SLC2A9: variants seen among roughly 807,000 people sequenced by gnomAD.
The protein encoded by SLC2A9 is solute carrier family 2 member 9.
A neutral mutation model predicts 50.6 loss-of-function variants in SLC2A9; 39 were observed. The observed-to-expected ratio is 0.77, with a 90% CI of 0.60 to 1.01. The LOEUF (loss-of-function observed/expected upper bound fraction) is 1.01, where lower values mean the gene tolerates loss of function less well. Among genes scored for constraint, SLC2A9 ranks in the 50% least tolerant of loss-of-function variants. The probability of loss-of-function intolerance (pLI) is 0.00; values close to 1 mark genes in which losing one functional copy is unlikely to be tolerated. For missense variants in SLC2A9, 686 were observed against 677.6 expected, an observed-to-expected ratio of 1.01 and a Z score of -0.14; for synonymous variants, 324 against 276.9, an observed-to-expected ratio of 1.17 and a Z score of -1.69.
chr4:9,799,455 T>A (rs1052579393), intron 3 of SLC2A9, among the ~76,000 whole-genome samples: 4 of 152,106 alleles, frequency 2.6e-5, no homozygotes, highest in Non-Finnish European at 4.4e-5. Flanking sequence ...CATCTTCATC[T>A]CTTTTATAAG....
intron 1 of SLC2A9, among the ~76,000 whole-genome samples, chr4:10,036,681 A>G (rs1442466449): frequency 6.6e-6 from 1 of 152,186 alleles, no homozygotes. Flanking sequence ...CCTTTTTCCA[A>G]TACTACACAC....
intron 6 of SLC2A9, among the ~76,000 whole-genome samples, chr4:9,925,087 C>G (rs971636962): frequency 6.6e-6 from 1 of 152,220 alleles, no homozygotes; most frequent in Non-Finnish European, 1.5e-5. Context: ...GAGGCTCCCC[C>G]CATCTCTCTT....
At chr4:9,920,220 G>A (rs1743658669) in intron 7 of SLC2A9, among the ~76,000 whole-genome samples, 165 bp downstream of exon 7, 1 of 152,220 alleles carries the variant, frequency 6.6e-6, no homozygotes, top group African/African-American at 2.4e-5. Flanking sequence ...TTACAGATGA[G>A]GAAACTGAGG....
intron 8 of SLC2A9, among the ~76,000 whole-genome samples, chr4:9,896,591 G>GT (rs1307161363): frequency 1.3e-5 from 2 of 152,184 alleles, no homozygotes; most frequent in Non-Finnish European, 2.9e-5. Context: ...AATAGTCACA[G>GT]TTTTTAATTT....
intron 5 of SLC2A9, among the ~76,000 whole-genome samples, chr4:9,956,975 G>A (rs1015496273): frequency 6.6e-6 from 1 of 152,086 alleles, no homozygotes; most frequent in Non-Finnish European, 1.5e-5. Flanking sequence ...CTCTGTGGGG[G>A]CACTGAAGGG....
chr4:9,879,859 G>A, intron 10 of SLC2A9: 6 of 985,422 alleles, frequency 6.1e-6, no homozygotes, highest in Non-Finnish European at 7.2e-6. Context: ...CCCTGCCACT[G>A]CCTTGGGGTT....
chr4:9,815,985 T>A (rs1422917142), intron 3 of SLC2A9, among the ~76,000 whole-genome samples: 1 of 151,716 alleles, frequency 6.6e-6, no homozygotes, highest in Non-Finnish European at 1.5e-5. Context: ...GCCTGGCCAA[T>A]ATGGTGAAAC....
At chr4:9,985,545 G>T (rs1423743783) in intron 4 of SLC2A9, 124 bp downstream of exon 4, 10 of 1,309,244 alleles carry the variant, frequency 7.6e-6, no homozygotes, top group African/African-American at 2.9e-5. Flanking sequence ...CAGCATCCTT[G>T]GTCCCTGCCA....
chr4:9,841,551 C>G (rs1039727397), intron 10 of SLC2A9, among the ~76,000 whole-genome samples: 2 of 152,080 alleles, frequency 1.3e-5, no homozygotes, highest in Admixed American at 1.3e-4. Flanking sequence ...TCTAGTTTAT[C>G]TTGGCTTTCA....
At chr4:9,774,839 C>T (rs1396096641), downstream of SLC2A9, among the ~76,000 whole-genome samples, 1 of 151,594 alleles carries the variant, frequency 6.6e-6, no homozygotes, top group African/African-American at 2.4e-5. Flanking sequence ...CTTTAATTTG[C>T]TCTATTCTCT....
chr4:9,954,150 C>A (rs1560377524), intron 5 of SLC2A9, among the ~76,000 whole-genome samples: 1 of 152,126 alleles, frequency 6.6e-6, no homozygotes, highest in Admixed American at 6.5e-5. Flanking sequence ...GTTGCCCAGG[C>A]CGGTCTCAAA....
chr4:9,881,501 G>C (rs922384926), intron 10 of SLC2A9, among the ~76,000 whole-genome samples: 1 of 152,236 alleles, frequency 6.6e-6, no homozygotes, highest in Non-Finnish European at 1.5e-5. Flanking sequence ...TTTCAGAGCT[G>C]AGGAACTATA....
intron 11 of SLC2A9, among the ~76,000 whole-genome samples, chr4:9,828,421 T>G (rs1241237746): frequency 6.6e-6 from 1 of 152,124 alleles, no homozygotes; most frequent in Non-Finnish European, 1.5e-5. Flanking sequence ...AGGACAAAAC[T>G]TGTCACTCCT....
chr4:9,789,725 C>A (rs1359620411), intron 3 of SLC2A9, among the ~76,000 whole-genome samples: 1 of 152,236 alleles, frequency 6.6e-6, no homozygotes, highest in Non-Finnish European at 1.5e-5. Flanking sequence ...CAGACTTTTG[C>A]TTTGACACTG....
intron 2 of SLC2A9, among the ~76,000 whole-genome samples, chr4:10,010,938 G>T (rs549307725): frequency 3.9e-5 from 6 of 152,066 alleles, no homozygotes; most frequent in Admixed American, 3.9e-4. Flanking sequence ...TTCTGCCTAG[G>T]CTGACTGTTC....
intron 3 of SLC2A9, chr4:9,783,417 T>A: frequency 6.2e-7 from 1 of 1,613,842 alleles, no homozygotes; most frequent in Non-Finnish European, 8.5e-7. Flanking sequence ...GAGGGGGAGA[T>A]TTCTTTAGAC....
At chr4:9,971,903 C>T (rs1753966849) in intron 5 of SLC2A9, among the ~76,000 whole-genome samples, 1 of 152,244 alleles carries the variant, frequency 6.6e-6, no homozygotes, top group Admixed American at 6.5e-5. Context: ...TGCGAGAACA[C>T]CTGCCTAGCA....
intron 3 of SLC2A9, among the ~76,000 whole-genome samples, chr4:9,791,159 C>T (rs1719870140): frequency 6.6e-6 from 1 of 152,170 alleles, no homozygotes; most frequent in Non-Finnish European, 1.5e-5. Flanking sequence ...CTCTGATTCT[C>T]AGATTCCTTG....
chr4:9,967,714 G>C (rs1753251390), intron 5 of SLC2A9, among the ~76,000 whole-genome samples: 1 of 151,636 alleles, frequency 6.6e-6, no homozygotes, highest in Non-Finnish European at 1.5e-5. Flanking sequence ...ATATATTTCT[G>C]GTAAGAAAGA....
Sources: gnomAD v4.1 joint callset for allele counts (sites outside exome capture counted in the v4.1 genomes callset) on GRCh38, gnomAD v4.1.1 for gene constraint, MANE v1.5 for transcripts, NCBI Gene and HGNC (gene_info 2026-07-23, HGNC 2026-07-21) for gene names.